SHISA9: variants seen among roughly 807,000 people sequenced by gnomAD.
The protein encoded by SHISA9 is protein shisa-9.
SHISA9 carries 13 observed loss-of-function variants against 38.0 expected under a neutral mutation model. That is an observed-to-expected ratio of 0.34 (90% CI 0.22 to 0.54). The LOEUF is 0.54. Ranked by LOEUF, SHISA9 falls within the 20% of genes least tolerant of loss-of-function variation. SHISA9 has a pLI of 0.91. For missense variants in SHISA9, 538 were observed against 575.8 expected (o/e 0.93, Z 0.67); for synonymous variants, 275 against 242.0 (o/e 1.14, Z -1.27).
the SHISA9 span, among the ~76,000 whole-genome samples, chr16:13,494,881 T>C: frequency 2.6e-5 from 4 of 152,298 alleles, no homozygotes; most frequent in African/African-American, 9.6e-5. Flanking sequence ...AATAGGTCAA[T>C]GGTTATATAA....
At chr16:13,411,424 A>G in the SHISA9 span, among the ~76,000 whole-genome samples, 102 of 152,334 alleles carry the variant, frequency 6.7e-4, no homozygotes, top group African/African-American at 2.3e-3. Context: ...GCAATAATAC[A>G]TGTTAATTTG....
the SHISA9 span, among the ~76,000 whole-genome samples, chr16:13,289,076 G>C: frequency 8.5e-5 from 13 of 152,160 alleles, no homozygotes; most frequent in Admixed American, 8.5e-4. Flanking sequence ...AATAGGGTTA[G>C]AGGCTGCGGA....
At chr16:13,264,421 C>A in the SHISA9 span, among the ~76,000 whole-genome samples, 3 of 152,066 alleles carry the variant, frequency 2.0e-5, no homozygotes, top group East Asian at 5.8e-4. Context: ...GATTCGCCCC[C>A]CTCGGCTTCC....
At chr16:13,558,135 C>T in the SHISA9 span, among the ~76,000 whole-genome samples, 1 of 151,724 alleles carries the variant, frequency 6.6e-6, no homozygotes, top group East Asian at 1.9e-4. Flanking sequence ...ACAGCTCTTA[C>T]CAAATCCATG....
chr16:13,197,679 G>A (rs886705335), intron 2 of SHISA9: 1 of 152,188 alleles, frequency 6.6e-6, no homozygotes, highest in Non-Finnish European at 1.5e-5. Flanking sequence ...CAGCATCACA[G>A]AAGGGCAAGT....
rs76607355 is a variant in SHISA9, at chr16:13,161,504, T to C, written c.692-41890T>C. On this transcript the variant is annotated intron_variant, in intron 2 of 4. Transcript: ENST00000558583. Reference sequence around the variant, plus strand: ...GTCTTGACTTTGGGCATTTTTCTCATCTAAACCCTGGCTGTCCCCCTACAG... The same window carrying C: ...GTCTTGACTTTGGGCATTTTTCTCACCTAAACCCTGGCTGTCCCCCTACAG... Among the ~76,000 whole-genome samples the C allele has an allele frequency of 4.4e-4, 67 of 152,260 alleles. No individual in the cohort carries two copies. In the East Asian group the frequency reaches 0.01, roughly 23 times the overall value.
At chr16:13,553,924 C>T in the SHISA9 span, among the ~76,000 whole-genome samples, 2 of 151,942 alleles carry the variant, frequency 1.3e-5, no homozygotes, top group South Asian at 2.1e-4. Flanking sequence ...TCATTGTGAC[C>T]CAAAATAAAC....
Position 13,075,870 on chromosome 16 carries a change from C to T in SHISA9, c.692-127524C>T, listed in dbSNP as rs147018078. 1.7e-3 allele frequency among the ~76,000 whole-genome samples: 253 copies of T among 152,080 alleles called. 2 individuals are homozygous for T. Among genetic ancestry groups the T allele is most frequent in the African/African-American group, 5.4e-3 (226 of 41,484 alleles). On this transcript the variant is annotated intron_variant, in intron 2 of 4. Coordinates refer to ENST00000558583, the MANE Select transcript of SHISA9 (RefSeq NM_001145204.3). ...TTCGGGGCCAGATGATTCTTTGTTG[C>T]GGAGGATGGCCCTGTGCATTCTAGG... is the stretch of plus-strand genomic sequence containing the variant.
the SHISA9 span, among the ~76,000 whole-genome samples, chr16:13,425,203 G>A: frequency 1.3e-5 from 2 of 152,212 alleles, no homozygotes; most frequent in Admixed American, 1.3e-4. Context: ...TACTTCAAAA[G>A]CAGGGAGGGG....
At chr16:13,410,610 A>T in the SHISA9 span, among the ~76,000 whole-genome samples, 1 of 152,318 alleles carries the variant, frequency 6.6e-6, no homozygotes, top group South Asian at 2.1e-4. Flanking sequence ...CCAAAAACAA[A>T]AAAAAAGTGT....
At position 13,235,243 on chromosome 16, in the gene SHISA9, G is replaced by A. The variant is rs1470756065; in HGVS notation, c.1109G>A (p.Gly370Asp). ...LAYTSTTNFK[G>D]WDPNEQSLRR... ...TACACCTCTACCACCAACTTTAAGG[G>A]CTGGGACCCCAACGAGCAGTCCCTC... Residue 370 changes from glycine (G) to aspartate (D), a missense_variant, in exon 5 of 5, where the codon GGC (glycine) becomes GAC (aspartate). Gly to Asp is a moderately conservative substitution (Grantham distance 94). Around this residue, in one of 4 missense-constraint regions of SHISA9, gnomAD observed 326 missense variants for 305.9 expected, o/e 1.07. Transcript: ENST00000558583. 1 of 1,551,710 alleles carries A rather than the reference G, an allele frequency of 6.4e-7. No individual in the cohort carries two copies. The highest frequency in any genetic ancestry group is 8.7e-7 in the Non-Finnish European group (1 of 1,147,030).
At chr16:13,159,115 C>G (rs2050574072) in intron 2 of SHISA9, among the ~76,000 whole-genome samples, 1 of 150,560 alleles carries the variant, frequency 6.6e-6, no homozygotes, top group Admixed American at 6.6e-5. Flanking sequence ...AGCAAAAACA[C>G]AACAAAAACA....
the SHISA9 span, among the ~76,000 whole-genome samples, chr16:13,296,556 TG>T: frequency 6.6e-6 from 1 of 151,308 alleles, no homozygotes; most frequent in Admixed American, 6.6e-5. Context: ...AGGCATAACA[TG>T]GGGCTTAAAA....
chr16:13,037,101 C>CAG (rs371862902), intron 2 of SHISA9, among the ~76,000 whole-genome samples: 5,208 of 58,000 alleles, frequency 0.09, 244 homozygotes, highest in African/African-American at 0.21. Context: ...CACACACACA[C>CAG]ACACACAGAC....
At chr16:13,519,756 A>C in the SHISA9 span, among the ~76,000 whole-genome samples, 1 of 152,188 alleles carries the variant, frequency 6.6e-6, no homozygotes, top group Non-Finnish European at 1.5e-5. Context: ...GAAAAGTGAC[A>C]TGCAAAAGGG....
chr16:13,482,355 G>A, the SHISA9 span, among the ~76,000 whole-genome samples: 1 of 152,250 alleles, frequency 6.6e-6, no homozygotes, highest in Non-Finnish European at 1.5e-5. Flanking sequence ...TGCAGGCTTA[G>A]AGACGTATCA....
chr16:13,240,675 A>G (rs1432162784), downstream of SHISA9, among the ~76,000 whole-genome samples: 1 of 152,200 alleles, frequency 6.6e-6, no homozygotes, highest in Admixed American at 6.5e-5. Context: ...TATTGTTGCT[A>G]GGTTTCCTCA....
chr16:13,121,120 A>G (rs2050206186), intron 2 of SHISA9, among the ~76,000 whole-genome samples: 3 of 152,040 alleles, frequency 2.0e-5, no homozygotes, highest in Admixed American at 6.6e-5. Context: ...GATTGCATTC[A>G]TTGAGCCCCA....
intron 2 of SHISA9, among the ~76,000 whole-genome samples, chr16:12,968,047 G>T (rs1034501457): frequency 3.3e-5 from 5 of 151,718 alleles, no homozygotes; most frequent in African/African-American, 1.2e-4. Context: ...AAAATTAGCC[G>T]GATGTGGTGG....
Sources: allele counts gnomAD v4.1 joint callset (sites outside exome capture counted in the v4.1 genomes callset), GRCh38; gene constraint gnomAD v4.1.1; regional missense constraint gnomAD v4.1.1; transcripts MANE v1.5; gene names NCBI Gene and HGNC (gene_info 2026-07-23, HGNC 2026-07-21).